DAAM1: variants seen among roughly 807,000 people sequenced by gnomAD.
The protein encoded by DAAM1 is dishevelled associated activator of morphogenesis 1.
Under a neutral mutation model 130.0 loss-of-function variants are expected in DAAM1, and 52 were observed. That is an observed-to-expected ratio of 0.40 (90% CI 0.32 to 0.50). The LOEUF is 0.50. Among genes scored for constraint, DAAM1 ranks in the 20% least tolerant of loss-of-function variants. DAAM1 has a pLI of 0.61. For synonymous variants in DAAM1, 452 were observed against 444.5 expected, an observed-to-expected ratio of 1.02 and a Z score of -0.21; for missense variants, 1,134 against 1,303.8, an observed-to-expected ratio of 0.87 and a Z score of 2.01.
chr14:59,235,193 G>C (rs1365851555), intron 1 of DAAM1, among the ~76,000 whole-genome samples: 1 of 152,060 alleles, frequency 6.6e-6, no homozygotes, highest in Non-Finnish European at 1.5e-5. Flanking sequence ...CTTTTGAGTT[G>C]TTTGGAATAG....
intron 16 of DAAM1, among the ~76,000 whole-genome samples, chr14:59,341,014 T>G (rs1479344983): frequency 6.6e-6 from 1 of 152,210 alleles, no homozygotes. Context: ...TTTCAGGGAC[T>G]ATGAAGAGAG....
At chr14:59,327,462 C>T (rs1018682274) in intron 12 of DAAM1, among the ~76,000 whole-genome samples, 5 of 119,624 alleles carry the variant, frequency 4.2e-5, no homozygotes, top group Non-Finnish European at 6.4e-5. Flanking sequence ...AGGCTGGAAT[C>T]AGTGGCGCCA....
Position 59,347,548 on chromosome 14 carries a change from A to G in DAAM1, c.2085A>G (p.Leu695=). 1 of 1,613,702 alleles carries G rather than the reference A, an allele frequency of 6.2e-7. No individual in the cohort carries two copies. Among genetic ancestry groups the G allele is most frequent in the South Asian group, 1.1e-5 (1 of 91,028 alleles). Residue 695 remains leucine, a synonymous_variant, in exon 17 of 25, where the codon TTA becomes TTG. Transcript: ENST00000360909. ...NCNILLSRLK[L]SNDEIKRAIL... is the part of the protein sequence containing the mutation. ...AATATTCTTTCTCCAGGTTGAAATTATCCAATGACGAAATCAAACGGGCAA... is the reference window on the plus strand; with the variant it reads ...AATATTCTTTCTCCAGGTTGAAATTGTCCAATGACGAAATCAAACGGGCAA...
intron 15 of DAAM1, among the ~76,000 whole-genome samples, chr14:59,333,298 A>G (rs1036274426): frequency 6.6e-6 from 1 of 152,230 alleles, no homozygotes; most frequent in Non-Finnish European, 1.5e-5. Context: ...CCCCTACTGT[A>G]AGTAGAAAGG....
At chr14:59,289,434 T>C (rs1428867766) in intron 2 of DAAM1, among the ~76,000 whole-genome samples, 1 of 152,028 alleles carries the variant, frequency 6.6e-6, no homozygotes, top group African/African-American at 2.4e-5. Context: ...CACAATGAGA[T>C]ATCATACCAT....
At chr14:59,240,572 G>A (rs1397314046) in intron 1 of DAAM1, among the ~76,000 whole-genome samples, 1 of 152,118 alleles carries the variant, frequency 6.6e-6, no homozygotes, top group Non-Finnish European at 1.5e-5. Context: ...CATCTCCCTT[G>A]TCCCATCTCT....
At position 59,362,112 on chromosome 14, in the gene DAAM1, G is replaced by A. The variant is rs369851279; in HGVS notation, c.2694+1250G>A. On this transcript the variant is annotated intron_variant, in intron 22 of 24. Coordinates refer to ENST00000360909, the MANE Select transcript of DAAM1 (RefSeq NM_001270520.2). ...TTTCTCCCAGCCCCAGAGGGTCCATGGTCATTATGATGGCCCTAAAGCCTG... is the reference window on the plus strand; with the variant it reads ...TTTCTCCCAGCCCCAGAGGGTCCATAGTCATTATGATGGCCCTAAAGCCTG... 6 of 150,256 alleles carry A rather than the reference G, an allele frequency of 4.0e-5. No homozygotes were observed. The East Asian group carries it at 1.2e-3, about 29-fold the overall frequency. The allele number at this position is 150,256 out of a possible 1,614,324, so 9.3% of individuals were successfully genotyped here. A position where few individuals can be genotyped will look rare whatever the true frequency, so the allele number is the denominator to read the frequency against.
chr14:59,347,529 C>T lies in DAAM1; in HGVS notation c.2076-10C>T. The T allele has an allele frequency of 6.2e-7, 1 of 1,611,728 alleles. No individual in the cohort carries two copies. Among genetic ancestry groups the T allele is most frequent in the South Asian group, 1.1e-5 (1 of 90,712 alleles). On this transcript the variant is annotated splice_polypyrimidine_tract_variant and intron_variant, in intron 16 of 24. Transcript: ENST00000360909. Reference sequence around the variant, plus strand: ...CCAATATGGTTAATAACAAAATATTCTTTCTCCAGGTTGAAATTATCCAAT... The same window carrying T: ...CCAATATGGTTAATAACAAAATATTTTTTCTCCAGGTTGAAATTATCCAAT...
At chr14:59,303,755 C>A (rs922961689) in intron 3 of DAAM1, among the ~76,000 whole-genome samples, 1 of 152,096 alleles carries the variant, frequency 6.6e-6, no homozygotes, top group African/African-American at 2.4e-5. Context: ...CAAAAATTAG[C>A]TGGGCATGGT....
chr14:59,357,896 CTG>C (rs1487901718), intron 20 of DAAM1, among the ~76,000 whole-genome samples: 5 of 152,086 alleles, frequency 3.3e-5, no homozygotes, highest in African/African-American at 1.2e-4. Context: ...TATTGAGAGA[CTG>C]TGAGAAAAAT....
intron 4 of DAAM1, among the ~76,000 whole-genome samples, chr14:59,316,474 C>T (rs1314647348): frequency 6.6e-6 from 1 of 152,122 alleles, no homozygotes; most frequent in Non-Finnish European, 1.5e-5. Flanking sequence ...GAATAATAAA[C>T]AGCCTATATA....
chr14:59,236,327 T>C (rs1167719248), intron 1 of DAAM1, among the ~76,000 whole-genome samples: 2 of 152,212 alleles, frequency 1.3e-5, no homozygotes, highest in African/African-American at 4.8e-5. Context: ...ATTATAATGC[T>C]CTCTGTTACT....
At chr14:59,303,808 G>A (rs1374788419) in intron 3 of DAAM1, among the ~76,000 whole-genome samples, 1 of 152,132 alleles carries the variant, frequency 6.6e-6, no homozygotes, top group African/African-American at 2.4e-5. Context: ...GTTGAGGCAC[G>A]AGAATTGCTT....
chr14:59,319,586 G>C (rs1884924867), intron 4 of DAAM1, among the ~76,000 whole-genome samples: 1 of 152,120 alleles, frequency 6.6e-6, no homozygotes, highest in Non-Finnish European at 1.5e-5. Context: ...TTCAGAATAG[G>C]ATGAAGAAAA....
At chr14:59,319,271 TG>T (rs1884910818) in intron 4 of DAAM1, among the ~76,000 whole-genome samples, 1 of 152,228 alleles carries the variant, frequency 6.6e-6, no homozygotes, top group African/African-American at 2.4e-5. Context: ...AAAAAACTAC[TG>T]GGTTTTATTT....
At position 59,326,566 on chromosome 14, in the gene DAAM1, C is replaced by G; in HGVS notation, c.1231C>G (p.Gln411Glu). 6.2e-7 allele frequency: 1 copy of G among 1,613,762 alleles called. No individual in the cohort carries two copies. Among genetic ancestry groups the G allele is most frequent in the Non-Finnish European group, 8.5e-7 (1 of 1,179,880 alleles). Residue 411 changes from glutamine (Q) to glutamate (E), a missense_variant, in exon 11 of 25, where the codon CAG becomes GAG. Physicochemically the swap from Gln to Glu is conservative, Grantham distance 29. Transcript: ENST00000360909. ...GCTACTACTAGATAGAATTATACAG[C>G]AGATAGTTATCCAGAATGACAAAGG... Reference protein sequence around the residue: ...YWLLLDRIIQQIVIQNDKGQD... With the variant: ...YWLLLDRIIQEIVIQNDKGQD...
At chr14:59,272,892 A>T (rs527487711) in intron 2 of DAAM1, among the ~76,000 whole-genome samples, 50 of 152,268 alleles carry the variant, frequency 3.3e-4, no homozygotes, top group African/African-American at 1.0e-3. Flanking sequence ...ACAGAAGATG[A>T]TCTCACATCC....
At position 59,324,128 on chromosome 14, in the gene DAAM1, A is replaced by G. The variant is rs768852754; in HGVS notation, c.775A>G (p.Thr259Ala). 1.1e-5 allele frequency: 15 copies of G among 1,391,622 alleles called. No homozygotes were observed. The highest frequency in any genetic ancestry group is 1.9e-4 in the Middle Eastern group (1 of 5,174). The allele number at this position is 1,391,622 out of a possible 1,614,324, so 86.2% of individuals were successfully genotyped here. Residue 259 changes from threonine (T) to alanine (A), a missense_variant and splice_region_variant, in exon 7 of 25, where the codon ACA becomes GCA. Thr to Ala is a moderately conservative substitution (Grantham distance 58, BLOSUM62 0). Coordinates refer to ENST00000360909, the MANE Select transcript of DAAM1 (RefSeq NM_001270520.2). ...TCCTTTGTTTTTCTATTTTTGATAG[A>G]CATTAATTAACGACTTGGATAAAAG... is the stretch of plus-strand genomic sequence containing the variant. ...KYASERTRFQTLINDLDKSTG... is the reference protein window; with the variant it reads ...KYASERTRFQALINDLDKSTG...
Position 59,332,503 on chromosome 14 carries a change from C to T in DAAM1, c.1968+583C>T, listed in dbSNP as rs182504896. On this transcript the variant is annotated intron_variant, in intron 15 of 24. Transcript: ENST00000360909. ...GTAATGGTGCAAATAGGACCAGAGA[C>T]GCTACTGAAAAGTGAGCAAAGCTTT... Among the ~76,000 whole-genome samples the T allele has an allele frequency of 2.3e-3, 351 of 152,274 alleles. 1 individual carries two copies. Among genetic ancestry groups the T allele is most frequent in the African/African-American group, 7.7e-3 (320 of 41,548 alleles).
Sources: gnomAD v4.1 joint callset for allele counts (sites outside exome capture counted in the v4.1 genomes callset) on GRCh38, gnomAD v4.1.1 for gene constraint, MANE v1.5 for transcripts, NCBI Gene and HGNC (gene_info 2026-07-23, HGNC 2026-07-21) for gene names.